The following KAZN variants were observed in gnomAD, a reference collection of about 807,000 sequenced individuals.
KAZN encodes kazrin, periplakin interacting protein, also known as kazrin.
Under a neutral mutation model 87.4 loss-of-function variants are expected in KAZN, and 40 were observed. That is an observed-to-expected ratio of 0.46 (90% CI 0.36 to 0.60). The LOEUF (loss-of-function observed/expected upper bound fraction) is 0.60, where lower values mean the gene tolerates loss of function less well. Among genes scored for constraint, KAZN ranks in the 20% least tolerant of loss-of-function variants. The pLI, the probability that KAZN is intolerant of heterozygous loss-of-function variation, is 0.00. For synonymous variants in KAZN, 466 were observed against 458.3 expected (o/e 1.02, Z -0.22); for missense variants, 898 against 1,073.9 (o/e 0.84, Z 2.29).
intron 1 of KAZN, among the ~76,000 whole-genome samples, chr1:14,805,349 T>C (rs1292649826): frequency 6.6e-6 from 1 of 151,584 alleles, no homozygotes; most frequent in African/African-American, 2.4e-5. Flanking sequence ...AGAGGGGAGG[T>C]AGAGGCAGTT....
At chr1:13,942,401 G>T (rs561322274) in intron 1 of KAZN, among the ~76,000 whole-genome samples, 1 of 147,140 alleles carries the variant, frequency 6.8e-6, no homozygotes, top group Non-Finnish European at 1.5e-5. Flanking sequence ...TTAGCCGGGC[G>T]TGGTGGCGGG....
chr1:14,045,120 G>T (rs571000352), intron 1 of KAZN, among the ~76,000 whole-genome samples: 9 of 152,322 alleles, frequency 5.9e-5, no homozygotes, highest in African/African-American at 2.2e-4. Context: ...TCCAGCCTCA[G>T]CCACCTCAGC....
rs189824427 is a variant in KAZN, at chr1:14,725,274, G to T, written c.226+126051G>T. ...CTCACCTTCATCTACTCTTCATTGCGTCAATGCAGACATCACTTCATCAGG... is the reference window on the plus strand; with the variant it reads ...CTCACCTTCATCTACTCTTCATTGCTTCAATGCAGACATCACTTCATCAGG... On this transcript the variant is annotated intron_variant, in intron 1 of 14. Transcript: ENST00000376030. 2.0e-5 allele frequency among the ~76,000 whole-genome samples: 3 copies of T among 152,152 alleles called. No homozygotes were observed. The East Asian group carries it at 5.8e-4, about 29-fold the overall frequency.
At chr1:14,354,188 A>G (rs1658795433) in intron 2 of KAZN, among the ~76,000 whole-genome samples, 1 of 152,174 alleles carries the variant, frequency 6.6e-6, no homozygotes, top group Non-Finnish European at 1.5e-5. Context: ...AAACTGCATT[A>G]AAAAAAGCCA....
chr1:14,433,996 T>A (rs576911730), intron 2 of KAZN, among the ~76,000 whole-genome samples: 1 of 152,372 alleles, frequency 6.6e-6, no homozygotes, highest in Non-Finnish European at 1.5e-5. Flanking sequence ...CACCAGAACC[T>A]GGCCGTGCTG....
At chr1:14,469,788 T>C (rs572488406) in intron 2 of KAZN, among the ~76,000 whole-genome samples, 1 of 152,334 alleles carries the variant, frequency 6.6e-6, no homozygotes, top group South Asian at 2.1e-4. Context: ...TTCAACAAAA[T>C]CTCTGCACCT....
At chr1:14,959,558 G>A (rs967323268) in intron 1 of KAZN, among the ~76,000 whole-genome samples, 3 of 152,188 alleles carry the variant, frequency 2.0e-5, no homozygotes, top group African/African-American at 7.2e-5. Context: ...CCGGTGACCA[G>A]CATGCGGCTG....
At chr1:14,523,823 G>T (rs1671711075) in intron 2 of KAZN, among the ~76,000 whole-genome samples, 1 of 152,226 alleles carries the variant, frequency 6.6e-6, no homozygotes, top group Non-Finnish European at 1.5e-5. Flanking sequence ...CCACAGGAAG[G>T]CTCAGAGACC....
intron 1 of KAZN, among the ~76,000 whole-genome samples, chr1:14,669,022 T>G (rs72865090): frequency 6.6e-6 from 1 of 152,200 alleles, no homozygotes; most frequent in African/African-American, 2.4e-5. Context: ...TTTTCAAAGG[T>G]TTATGCTATT....
intron 2 of KAZN, among the ~76,000 whole-genome samples, chr1:14,317,749 A>G (rs1242025051): frequency 6.6e-6 from 1 of 151,968 alleles, no homozygotes; most frequent in African/African-American, 2.4e-5. Flanking sequence ...TAAGTGAAAC[A>G]ACACACAGCA....
intron 1 of KAZN, among the ~76,000 whole-genome samples, chr1:14,905,964 C>T (rs1047605867): frequency 6.6e-6 from 1 of 150,796 alleles, no homozygotes; most frequent in East Asian, 1.9e-4. Flanking sequence ...GTCAGGAGAT[C>T]GAGGCCATCC....
chr1:14,848,516 A>G (rs752075045), intron 1 of KAZN, among the ~76,000 whole-genome samples: 10 of 152,228 alleles, frequency 6.6e-5, no homozygotes, highest in Non-Finnish European at 7.3e-5. Context: ...CTAACCAAAG[A>G]CAACTCCTTG....
chr1:14,593,426 G>A (rs1441405469), intron 2 of KAZN, among the ~76,000 whole-genome samples: 1 of 152,172 alleles, frequency 6.6e-6, no homozygotes, highest in Admixed American at 6.5e-5. Flanking sequence ...ACATGCGGGG[G>A]AGGGACGGAG....
chr1:15,045,529 C>A (rs1673384022), intron 4 of KAZN, among the ~76,000 whole-genome samples: 1 of 152,218 alleles, frequency 6.6e-6, no homozygotes, highest in African/African-American at 2.4e-5. Flanking sequence ...CCACTGTTAA[C>A]CAGAAGCCTT....
intron 2 of KAZN, among the ~76,000 whole-genome samples, chr1:14,511,556 TCA>T (rs1215343545): frequency 6.6e-6 from 1 of 152,154 alleles, no homozygotes; most frequent in African/African-American, 2.4e-5. Flanking sequence ...GAAGAAATAA[TCA>T]CAACACATTT....
chr1:14,889,425 G>A (rs973369519), intron 1 of KAZN, among the ~76,000 whole-genome samples: 1 of 152,194 alleles, frequency 6.6e-6, no homozygotes, highest in Non-Finnish European at 1.5e-5. Context: ...AAGCATGGGT[G>A]CATCTTGGAA....
At chr1:13,905,457 G>A (rs534676331) in intron 1 of KAZN, among the ~76,000 whole-genome samples, 1 of 152,176 alleles carries the variant, frequency 6.6e-6, no homozygotes, top group African/African-American at 2.4e-5. Context: ...TATTAAGGGA[G>A]ATCACTCTCA....
intron 1 of KAZN, among the ~76,000 whole-genome samples, chr1:13,925,836 TG>T (rs1397423072): frequency 6.6e-6 from 1 of 152,144 alleles, no homozygotes; most frequent in Non-Finnish European, 1.5e-5. Flanking sequence ...ACTCAAGCAC[TG>T]GGAGTTGCAA....
intron 1 of KAZN, among the ~76,000 whole-genome samples, chr1:14,062,147 TA>T (rs1642819716): frequency 6.6e-6 from 1 of 152,100 alleles, no homozygotes; most frequent in African/African-American, 2.4e-5. Context: ...CACCAAATAA[TA>T]AGAAGATGTG....
Sources: gnomAD v4.1 joint callset for allele counts (sites outside exome capture counted in the v4.1 genomes callset) on GRCh38, gnomAD v4.1.1 for gene constraint, MANE v1.5 for transcripts, NCBI Gene and HGNC (gene_info 2026-07-23, HGNC 2026-07-21) for gene names.